Variants in LRRTM4 observed in about 807,000 individuals in gnomAD.
LRRTM4 encodes the protein leucine rich repeat transmembrane neuronal 4, also known as leucine-rich repeat transmembrane neuronal protein 4.
LRRTM4 carries 25 observed loss-of-function variants against 47.6 expected under a neutral mutation model. That is an observed-to-expected ratio of 0.53 (90% CI 0.38 to 0.73). The LOEUF (loss-of-function observed/expected upper bound fraction) is 0.73, where lower values mean the gene tolerates loss of function less well. LRRTM4 is among the 30% of genes least tolerant of loss of function. The pLI is 0.00. For synonymous variants in LRRTM4, 311 were observed against 269.5 expected, an observed-to-expected ratio of 1.15 and a Z score of -1.51; for missense variants, 638 against 713.4, an observed-to-expected ratio of 0.89 and a Z score of 1.20.
At chr2:77,243,517 G>T (rs1675334185) in intron 3 of LRRTM4, among the ~76,000 whole-genome samples, 1 of 151,876 alleles carries the variant, frequency 6.6e-6, no homozygotes, top group African/African-American at 2.4e-5. Flanking sequence ...AAAGTAGAAT[G>T]GTGGTTTCCG....
At chr2:76,993,034 C>G (rs1334511274) in intron 3 of LRRTM4, among the ~76,000 whole-genome samples, 1 of 151,594 alleles carries the variant, frequency 6.6e-6, no homozygotes, top group African/African-American at 2.4e-5. Flanking sequence ...AGGACTTCCT[C>G]GTCAATAACT....
At chr2:77,475,290 A>C (rs1677344134) in intron 3 of LRRTM4, among the ~76,000 whole-genome samples, 1 of 152,094 alleles carries the variant, frequency 6.6e-6, no homozygotes, top group Non-Finnish European at 1.5e-5. Flanking sequence ...TGATAAATTT[A>C]AATTTTAAGT....
chr2:76,780,455 C>T lies in LRRTM4; in HGVS notation c.1552-31539G>A, dbSNP rs183246789. On this transcript the variant is annotated intron_variant, in intron 3 of 3. Transcript: ENST00000409884. ...TCCCATATTTCTTGGAGGCTTTGCT[C>T]ATTTCTTTTTATTCTTTTTCCTCTA... Among the ~76,000 whole-genome samples the T allele has an allele frequency of 5.6e-4, 85 of 152,232 alleles. 2 individuals carry two copies. Among genetic ancestry groups the T allele is most frequent in the Admixed American group, 5.2e-3 (80 of 15,292 alleles).
chr2:76,987,592 C>T (rs1041967023), intron 3 of LRRTM4: 2 of 151,840 alleles, frequency 1.3e-5, no homozygotes, highest in Middle Eastern at 3.4e-3. Flanking sequence ...GTAACAATTT[C>T]AAAATTTCAA....
At chr2:77,136,291 C>T (rs904833195) in intron 3 of LRRTM4, among the ~76,000 whole-genome samples, 6 of 152,142 alleles carry the variant, frequency 3.9e-5, no homozygotes, top group African/African-American at 7.2e-5. Flanking sequence ...TCCAGAAGAA[C>T]GATCAGGCAA....
At chr2:77,138,662 C>G (rs1469747080) in intron 3 of LRRTM4, among the ~76,000 whole-genome samples, 1 of 151,930 alleles carries the variant, frequency 6.6e-6, no homozygotes, top group African/African-American at 2.4e-5. Context: ...AAAAACCCTT[C>G]AAAAAATCAA....
At chr2:77,332,497 T>C (rs1671007237) in intron 3 of LRRTM4, among the ~76,000 whole-genome samples, 2 of 152,140 alleles carry the variant, frequency 1.3e-5, no homozygotes, top group Non-Finnish European at 2.9e-5. Context: ...ATATGAGAAT[T>C]GGTCATGAGG....
chr2:76,863,101 C>A (rs1672367185), intron 3 of LRRTM4, among the ~76,000 whole-genome samples: 1 of 152,180 alleles, frequency 6.6e-6, no homozygotes, highest in Admixed American at 6.5e-5. Flanking sequence ...CAACTACCCA[C>A]AGCTTTCATT....
chr2:77,032,374 C>A (rs1049106849), intron 3 of LRRTM4, among the ~76,000 whole-genome samples: 6 of 152,038 alleles, frequency 3.9e-5, no homozygotes, highest in African/African-American at 1.4e-4. Context: ...TTCCTGTTTT[C>A]CTCACAGCAT....
At chr2:77,074,036 T>A (rs532110482) in intron 3 of LRRTM4, among the ~76,000 whole-genome samples, 90 of 152,220 alleles carry the variant, frequency 5.9e-4, no homozygotes, top group African/African-American at 2.1e-3. Flanking sequence ...TTCCCCTACA[T>A]TGTTTAAAAA....
intron 3 of LRRTM4, among the ~76,000 whole-genome samples, chr2:77,433,197 C>A (rs1316653919): frequency 1.3e-5 from 2 of 152,218 alleles, no homozygotes; most frequent in East Asian, 3.9e-4. Context: ...TCGTACTGTA[C>A]CAACAGATAA....
At chr2:77,402,678 ACTT>A (rs1162405456) in intron 3 of LRRTM4, among the ~76,000 whole-genome samples, 1 of 151,180 alleles carries the variant, frequency 6.6e-6, no homozygotes, top group East Asian at 2.0e-4. Context: ...TTTGTTTTTC[ACTT>A]CTTACTCTGT....
At chr2:77,353,759 A>G (rs931542212) in intron 3 of LRRTM4, among the ~76,000 whole-genome samples, 1 of 152,112 alleles carries the variant, frequency 6.6e-6, no homozygotes, top group Non-Finnish European at 1.5e-5. Flanking sequence ...CTAAGTCCTA[A>G]TATAACATTG....
At chr2:77,473,678 A>C (rs774072047) in intron 3 of LRRTM4, among the ~76,000 whole-genome samples, 1 of 152,082 alleles carries the variant, frequency 6.6e-6, no homozygotes, top group Non-Finnish European at 1.5e-5. Flanking sequence ...TTCTTTGGGG[A>C]GTAAGAAGTG....
intron 3 of LRRTM4, among the ~76,000 whole-genome samples, chr2:76,996,211 A>G (rs1677198453): frequency 6.6e-6 from 1 of 152,076 alleles, no homozygotes; most frequent in Non-Finnish European, 1.5e-5. Context: ...TAGAACAGAG[A>G]AAATTATTGA....
intron 3 of LRRTM4, among the ~76,000 whole-genome samples, chr2:76,900,072 T>C (rs1673570829): frequency 6.6e-6 from 1 of 152,114 alleles, no homozygotes; most frequent in African/African-American, 2.4e-5. Flanking sequence ...CTACTAAAAA[T>C]ACAAAAGTTA....
intron 3 of LRRTM4, among the ~76,000 whole-genome samples, chr2:77,117,415 A>T (rs1234707811): frequency 6.6e-6 from 1 of 151,908 alleles, no homozygotes; most frequent in African/African-American, 2.4e-5. Context: ...ATTTTTACTT[A>T]TAAAAATTGA....
chr2:76,995,529 G>T (rs1239021966), intron 3 of LRRTM4, among the ~76,000 whole-genome samples: 3 of 151,916 alleles, frequency 2.0e-5, no homozygotes, highest in African/African-American at 7.2e-5. Flanking sequence ...AATTCTGGGG[G>T]AGGCAAACGG....
rs557553401 is a variant in LRRTM4, at chr2:77,462,186, T to C, written c.1551+56132A>G. ...ATTGTAATGGTCAGTTTGCTTGTTG[T>C]CTTTTTCACAGTATTGAGAAAGCCA... On this transcript the variant is annotated intron_variant, in intron 3 of 3. Coordinates refer to ENST00000409884, the MANE Select transcript of LRRTM4 (RefSeq NM_001134745.3). Among the ~76,000 whole-genome samples, 29 of 152,232 alleles carry C rather than the reference T, an allele frequency of 1.9e-4. No homozygotes were observed. In the South Asian group the frequency reaches 6.0e-3, roughly 32 times the overall value.
Sources: gnomAD v4.1 joint callset for allele counts (sites outside exome capture counted in the v4.1 genomes callset) on GRCh38, gnomAD v4.1.1 for gene constraint, MANE v1.5 for transcripts, NCBI Gene and HGNC (gene_info 2026-07-23, HGNC 2026-07-21) for gene names.